The following DPH6 variants were observed in gnomAD, a reference collection of about 807,000 sequenced individuals.
DPH6 encodes diphthamine biosynthesis 6.
In DPH6, 33 loss-of-function variants were observed where a neutral mutation model predicts 38.2. That is an observed-to-expected ratio of 0.86 (90% confidence interval 0.65 to 1.15). DPH6 has a LOEUF of 1.15. Ranked by LOEUF, DPH6 falls within the 50% of genes most tolerant of loss-of-function variation. DPH6 has a pLI of 0.00. For missense variants in DPH6, 325 were observed against 320.0 expected (o/e 1.02, Z -0.12); for synonymous variants, 108 against 103.0 (o/e 1.05, Z -0.30).
the DPH6 span, among the ~76,000 whole-genome samples, chr15:35,209,080 T>C: frequency 6.6e-6 from 1 of 152,126 alleles, no homozygotes. Flanking sequence ...TTTTCCCCCA[T>C]TATATTTTTT....
chr15:35,407,802 T>G lies in DPH6; in HGVS notation c.567+3033A>C, dbSNP rs150058515. ...ACAGCTAAGGGAATGAGACAGAGAA[T>G]AGGAGAACGGTAGAAGATGAGCCTG... On this transcript the variant is annotated intron_variant, in intron 6 of 8. Transcript: ENST00000256538. Among the ~76,000 whole-genome samples, 241 of 151,904 alleles carry G rather than the reference T, an allele frequency of 1.6e-3. 4 individuals carry two copies. In the East Asian group the frequency reaches 0.043, roughly 27 times the overall value.
chr15:35,451,883 G>A (rs912716890), intron 4 of DPH6, among the ~76,000 whole-genome samples: 5 of 152,278 alleles, frequency 3.3e-5, no homozygotes, highest in Admixed American at 1.3e-4. Context: ...GGTGGCGGGC[G>A]CCTGTGGTCC....
chr15:35,303,544 T>C (rs2140808157), intron 3 of DPH6, among the ~76,000 whole-genome samples: 1 of 152,018 alleles, frequency 6.6e-6, no homozygotes, highest in South Asian at 2.1e-4. Flanking sequence ...TTCTTGAAGC[T>C]AGATCTCCTG....
chr15:35,222,673 T>C (rs1291426926), intron 3 of DPH6, among the ~76,000 whole-genome samples: 1 of 152,126 alleles, frequency 6.6e-6, no homozygotes, highest in African/African-American at 2.4e-5. Flanking sequence ...TCTGGCTCAG[T>C]GAATCTGCAT....
downstream of DPH6, among the ~76,000 whole-genome samples, chr15:35,367,798 A>T (rs1389393751): frequency 6.6e-6 from 1 of 151,860 alleles, no homozygotes; most frequent in African/African-American, 2.4e-5. Context: ...TTACACTAAC[A>T]ATATTTTTAA....
At chr15:35,520,828 T>TAAA (rs1438034874) in intron 3 of DPH6, 14 of 985,054 alleles carry the variant, frequency 1.4e-5, no homozygotes, top group Non-Finnish European at 1.7e-5. Flanking sequence ...AAATCCACAT[T>TAAA]AATACAGGTA....
At chr15:35,345,502 G>A (rs1234065668) in intron 3 of DPH6, among the ~76,000 whole-genome samples, 1 of 151,790 alleles carries the variant, frequency 6.6e-6, no homozygotes, top group African/African-American at 2.4e-5. Context: ...ATGATTATGC[G>A]TGGTTGTCTG....
chr15:35,510,529 A>G (rs377698192), intron 3 of DPH6, among the ~76,000 whole-genome samples: 1 of 152,230 alleles, frequency 6.6e-6, no homozygotes, highest in Admixed American at 6.5e-5. Flanking sequence ...TCAGTTGTCC[A>G]TGATTCTTCT....
intron 6 of DPH6, among the ~76,000 whole-genome samples, chr15:35,395,289 C>T (rs775591616): frequency 6.6e-6 from 1 of 152,180 alleles, no homozygotes; most frequent in African/African-American, 2.4e-5. Context: ...GCTCTCACAC[C>T]TGTTTCCCAT....
chr15:35,276,873 G>A (rs886492078), intron 3 of DPH6, among the ~76,000 whole-genome samples: 1 of 152,140 alleles, frequency 6.6e-6, no homozygotes, highest in Non-Finnish European at 1.5e-5. Flanking sequence ...GATGCCTCCA[G>A]ATTTGTTCTT....
intron 3 of DPH6, among the ~76,000 whole-genome samples, chr15:35,251,834 T>C (rs902262442): frequency 6.6e-6 from 1 of 152,226 alleles, no homozygotes; most frequent in African/African-American, 2.4e-5. Flanking sequence ...ACACTAACCA[T>C]GTTACTATGC....
intron 3 of DPH6, among the ~76,000 whole-genome samples, chr15:35,248,294 A>G (rs1448289847): frequency 6.6e-6 from 1 of 152,214 alleles, no homozygotes; most frequent in Non-Finnish European, 1.5e-5. Flanking sequence ...AAAGCCATCC[A>G]TAAACCTAAA....
chr15:35,280,505 G>A (rs779866650), intron 3 of DPH6, among the ~76,000 whole-genome samples: 1 of 152,116 alleles, frequency 6.6e-6, no homozygotes, highest in Non-Finnish European at 1.5e-5. Flanking sequence ...ACTGATAACT[G>A]AGACAATAGC....
chr15:35,471,223 A>G (rs1487777599), intron 3 of DPH6, among the ~76,000 whole-genome samples: 1 of 152,160 alleles, frequency 6.6e-6, no homozygotes, highest in African/African-American at 2.4e-5. Context: ...TTCTGCCACT[A>G]GCATCACCCA....
intron 3 of DPH6, among the ~76,000 whole-genome samples, chr15:35,228,144 C>G (rs936399312): frequency 6.6e-6 from 1 of 152,048 alleles, no homozygotes; most frequent in Non-Finnish European, 1.5e-5. Context: ...TCCATTTGGT[C>G]TATAGTGTAG....
At chr15:35,263,948 C>T (rs1595452370) in intron 3 of DPH6, among the ~76,000 whole-genome samples, 1 of 152,058 alleles carries the variant, frequency 6.6e-6, no homozygotes, top group African/African-American at 2.4e-5. Flanking sequence ...CTCCTGACCT[C>T]GTGATCTGCC....
chr15:35,247,188 C>T (rs904489128), intron 3 of DPH6, among the ~76,000 whole-genome samples: 1 of 152,144 alleles, frequency 6.6e-6, no homozygotes, highest in Admixed American at 6.5e-5. Context: ...AAGAGTCTGA[C>T]TTTTATAGCA....
chr15:35,332,530 G>T (rs186648065), intron 3 of DPH6, among the ~76,000 whole-genome samples: 290 of 152,140 alleles, frequency 1.9e-3, no homozygotes, highest in Non-Finnish European at 3.4e-3. Context: ...TGTCTTAATT[G>T]TACTTTTTAA....
chr15:35,529,526 C>T (rs892039923), intron 3 of DPH6, among the ~76,000 whole-genome samples: 12 of 152,076 alleles, frequency 7.9e-5, no homozygotes, highest in Admixed American at 5.2e-4. Context: ...TTGCCCATAA[C>T]GCCCTTCTGA....
Sources: gnomAD v4.1 joint callset for allele counts (sites outside exome capture counted in the v4.1 genomes callset) on GRCh38, gnomAD v4.1.1 for gene constraint, MANE v1.5 for transcripts, NCBI Gene and HGNC (gene_info 2026-07-23, HGNC 2026-07-21) for gene names.